The following PTPRD variants were observed in gnomAD, a reference collection of about 807,000 sequenced individuals.
The protein encoded by PTPRD is protein tyrosine phosphatase receptor type D.
Under a neutral mutation model 214.5 loss-of-function variants are expected in PTPRD, and 34 were observed. That is an observed-to-expected ratio of 0.16 (90% CI 0.12 to 0.21). The LOEUF (loss-of-function observed/expected upper bound fraction) is 0.21, where lower values mean the gene tolerates loss of function less well. Among genes scored for constraint, PTPRD ranks in the 10% least tolerant of loss-of-function variants. The pLI, the probability that PTPRD is intolerant of heterozygous loss-of-function variation, is 1.00. For missense variants in PTPRD, 2,545 were observed against 2,398.7 expected (o/e 1.06, Z -1.27); for synonymous variants, 1,128 against 845.7 (o/e 1.33, Z -5.79).
At chr9:8,961,365 T>C (rs1397111072) in intron 11 of PTPRD, among the ~76,000 whole-genome samples, 1 of 152,150 alleles carries the variant, frequency 6.6e-6, no homozygotes. Context: ...TCTTTCCCCG[T>C]GTCATCATGG....
At chr9:8,864,981 C>T (rs188561600) in intron 11 of PTPRD, among the ~76,000 whole-genome samples, 6 of 152,278 alleles carry the variant, frequency 3.9e-5, no homozygotes, top group African/African-American at 1.4e-4. Context: ...CATAATTATA[C>T]TTTTCTCTGT....
intron 8 of PTPRD, among the ~76,000 whole-genome samples, chr9:9,538,262 A>T (rs1012319207): frequency 6.6e-6 from 1 of 151,966 alleles, no homozygotes; most frequent in Non-Finnish European, 1.5e-5. Flanking sequence ...TGTTGATAAA[A>T]AATAATTTTA....
intron 11 of PTPRD, among the ~76,000 whole-genome samples, chr9:8,983,283 A>G (rs548052519): frequency 6.6e-6 from 1 of 152,174 alleles, no homozygotes; most frequent in African/African-American, 2.4e-5. Context: ...ACAGATGAAA[A>G]TAAAATGCTT....
At position 9,453,341 on chromosome 9, in the gene PTPRD, CAG is replaced by C. The variant is rs200096553; in HGVS notation, c.-236-55861_-236-55860del. 4.6e-3 allele frequency among the ~76,000 whole-genome samples: 695 copies of C among 151,524 alleles called. 5 individuals carry two copies. The highest frequency in any genetic ancestry group is 5.9e-3 in the Non-Finnish European group (400 of 67,676). ...TAATAAGCAAATATTAAAAGTAAAA[CAG>C]AATTATTTAGATTTCCAAATAATTT... On this transcript the variant is annotated intron_variant, in intron 8 of 45. Coordinates refer to ENST00000381196, the MANE Select transcript of PTPRD (RefSeq NM_002839.4).
intron 7 of PTPRD, among the ~76,000 whole-genome samples, chr9:9,710,550 C>A (rs1027531339): frequency 6.6e-6 from 1 of 151,740 alleles, no homozygotes; most frequent in Admixed American, 6.6e-5. Context: ...TGAAGGATTG[C>A]TTCTTAATTC....
chr9:8,652,034 T>C (rs1328784240), intron 12 of PTPRD, among the ~76,000 whole-genome samples: 2 of 152,198 alleles, frequency 1.3e-5, no homozygotes, highest in African/African-American at 4.8e-5. Flanking sequence ...CCCAGGAATA[T>C]GGGAGGCTTT....
At chr9:8,582,497 T>G (rs1365803731) in intron 14 of PTPRD, among the ~76,000 whole-genome samples, 3 of 152,314 alleles carry the variant, frequency 2.0e-5, no homozygotes, top group African/African-American at 7.2e-5. Context: ...ACTATTTTTT[T>G]CAATGCATTT....
intron 9 of PTPRD, among the ~76,000 whole-genome samples, chr9:9,376,788 A>T (rs1488882619): frequency 6.6e-6 from 1 of 152,172 alleles, no homozygotes; most frequent in Non-Finnish European, 1.5e-5. Flanking sequence ...TCTCAGGATG[A>T]AAAAAGAAAG....
intron 14 of PTPRD, among the ~76,000 whole-genome samples, chr9:8,631,246 CTT>C (rs898525305): frequency 6.6e-6 from 1 of 151,750 alleles, no homozygotes; most frequent in Non-Finnish European, 1.5e-5. Flanking sequence ...AACTCCTATT[CTT>C]TTTTTTCCCT....
chr9:9,059,118 A>G (rs1348850217), intron 10 of PTPRD, among the ~76,000 whole-genome samples: 1 of 152,158 alleles, frequency 6.6e-6, no homozygotes, highest in Non-Finnish European at 1.5e-5. Context: ...ACATGAAAAA[A>G]ATATAAGGAG....
chr9:9,836,864 A>G (rs10978023), intron 5 of PTPRD, among the ~76,000 whole-genome samples: 24,628 of 152,168 alleles, frequency 0.16, 2,082 homozygotes, highest in Non-Finnish European at 0.19. Context: ...TTCAATAAAT[A>G]GAAAACTACC....
At chr9:9,944,054 T>G (rs1017533367) in intron 4 of PTPRD, among the ~76,000 whole-genome samples, 3 of 152,212 alleles carry the variant, frequency 2.0e-5, no homozygotes, top group Non-Finnish European at 4.4e-5. Context: ...TTCTTTTAAA[T>G]GAGCCCAACG....
intron 11 of PTPRD, among the ~76,000 whole-genome samples, chr9:8,968,875 T>G (rs2099217736): frequency 6.6e-6 from 1 of 152,034 alleles, no homozygotes; most frequent in African/African-American, 2.4e-5. Context: ...AAAATAAGAA[T>G]TAAAGATTTT....
intron 12 of PTPRD, among the ~76,000 whole-genome samples, chr9:8,714,023 A>T (rs1161098234): frequency 6.6e-6 from 1 of 152,210 alleles, no homozygotes; most frequent in African/African-American, 2.4e-5. Flanking sequence ...TCAGAATGCT[A>T]CAAGTCAGAG....
intron 11 of PTPRD, among the ~76,000 whole-genome samples, chr9:8,979,274 TA>T (rs1484791898): frequency 6.6e-6 from 1 of 152,062 alleles, no homozygotes; most frequent in African/African-American, 2.4e-5. Context: ...AACTGAACAA[TA>T]AACCTAACAG....
In PTPRD at chr9:8,905,214, C is replaced by T. The variant is rs532494471; in HGVS notation, c.-104+113483G>A. ...ATGTTTCAGAAAAATCAAGCAGTTC[C>T]AAAGTAAAGCATTCTGTGATGATTT... On this transcript the variant is annotated intron_variant, in intron 11 of 45. Transcript: ENST00000381196. 9.2e-5 allele frequency among the ~76,000 whole-genome samples: 14 copies of T among 152,110 alleles called. No individual in the cohort carries two copies. The South Asian group carries it at 1.5e-3, about 16-fold the overall frequency.
intron 7 of PTPRD, among the ~76,000 whole-genome samples, chr9:9,678,628 G>C (rs1042755634): frequency 9.9e-5 from 15 of 151,652 alleles, no homozygotes; most frequent in Non-Finnish European, 2.2e-4. Context: ...GGCAACTTTG[G>C]TGACTATTCA....
intron 12 of PTPRD, among the ~76,000 whole-genome samples, chr9:8,670,937 G>C (rs1410334575): frequency 6.6e-6 from 1 of 152,172 alleles, no homozygotes; most frequent in African/African-American, 2.4e-5. Context: ...AGGGAAGTAG[G>C]TGGTGAAGAA....
intron 3 of PTPRD, among the ~76,000 whole-genome samples, chr9:10,306,262 G>C (rs200920055): frequency 6.7e-6 from 1 of 149,772 alleles, no homozygotes; most frequent in East Asian, 2.0e-4. Flanking sequence ...TCACATGCTG[G>C]GGCCTGTCGT....
Sources: gnomAD v4.1 joint callset for allele counts (sites outside exome capture counted in the v4.1 genomes callset) on GRCh38, gnomAD v4.1.1 for gene constraint, MANE v1.5 for transcripts, NCBI Gene and HGNC (gene_info 2026-07-23, HGNC 2026-07-21) for gene names.